GLCE: variants seen among roughly 807,000 people sequenced by gnomAD.
The protein encoded by GLCE is D-glucuronyl C5-epimerase.
A neutral mutation model predicts 47.9 loss-of-function variants in GLCE; 19 were observed. That is an observed-to-expected ratio of 0.40 (90% CI 0.28 to 0.58). The LOEUF is 0.58. GLCE is among the 20% of genes least tolerant of loss of function. The pLI is 0.48. For synonymous variants in GLCE, 245 were observed against 263.4 expected (o/e 0.93, Z 0.68); for missense variants, 556 against 743.3 (o/e 0.75, Z 2.93).
intron 2 of GLCE, among the ~76,000 whole-genome samples, chr15:69,239,205 A>G (rs962329554): frequency 2.7e-5 from 4 of 147,270 alleles, no homozygotes; most frequent in African/African-American, 9.9e-5. Context: ...AAATGTGTGA[A>G]GCTTGAGGAA....
intron 1 of GLCE, chr15:69,197,459 A>T (rs181980250): frequency 5.7e-6 from 1 of 175,656 alleles, no homozygotes; most frequent in East Asian, 1.6e-4. Flanking sequence ...GTTTGAGCCT[A>T]GTTATAATAT....
intron 1 of GLCE, among the ~76,000 whole-genome samples, chr15:69,207,931 G>A (rs1166800291): frequency 2.0e-5 from 3 of 151,842 alleles, no homozygotes; most frequent in African/African-American, 4.8e-5. Context: ...GTTTTTGTTT[G>A]TTTGTTTGTT....
intron 1 of GLCE, among the ~76,000 whole-genome samples, chr15:69,183,093 A>C (rs1006766869): frequency 6.6e-6 from 1 of 152,266 alleles, no homozygotes; most frequent in South Asian, 2.1e-4. Context: ...TGAGTATAAA[A>C]TAGGGTTGAG....
intron 1 of GLCE, among the ~76,000 whole-genome samples, chr15:69,169,795 G>A (rs957701539): frequency 5.3e-5 from 8 of 151,924 alleles, no homozygotes; most frequent in South Asian, 4.2e-4. Context: ...CCCTATCATT[G>A]ATGGACATTT....
At chr15:69,231,774 CTA>C (rs1386830854) in intron 2 of GLCE, among the ~76,000 whole-genome samples, 11 of 151,940 alleles carry the variant, frequency 7.2e-5, no homozygotes, top group Non-Finnish European at 1.3e-4. Context: ...ATTCAGATAT[CTA>C]TCTATCTTTT....
At chr15:69,260,252 G>GCTTTTTTTTTTTTTTTTT (rs57452657) in intron 3 of GLCE, among the ~76,000 whole-genome samples, 1 of 79,224 alleles carries the variant, frequency 1.3e-5, no homozygotes, top group African/African-American at 4.3e-5. Context: ...GTCACAACTG[G>GCTTTTTTTTTTTTTTTTT]TTTTTTTTTT....
chr15:69,177,025 G>A (rs1299216278), intron 1 of GLCE, among the ~76,000 whole-genome samples: 1 of 149,266 alleles, frequency 6.7e-6, no homozygotes, highest in African/African-American at 2.5e-5. Context: ...TTTCATATTT[G>A]CTTTTTTTTT....
At chr15:69,165,747 C>T (rs1307227637) in intron 1 of GLCE, among the ~76,000 whole-genome samples, 24 of 152,184 alleles carry the variant, frequency 1.6e-4, no homozygotes, top group Non-Finnish European at 1.9e-4. Flanking sequence ...CTTCCTGTTG[C>T]TTGTTTATGC....
intron 2 of GLCE, among the ~76,000 whole-genome samples, chr15:69,253,175 G>A (rs566540038): frequency 6.6e-6 from 1 of 152,274 alleles, no homozygotes; most frequent in Admixed American, 6.5e-5. Context: ...AATACAGATA[G>A]CTGGCAAGAA....
chr15:69,177,169 G>A (rs1420997003), intron 1 of GLCE, among the ~76,000 whole-genome samples: 3 of 152,084 alleles, frequency 2.0e-5, no homozygotes, highest in South Asian at 2.1e-4. Context: ...ATAGGCATGC[G>A]CCACCACACC....
At chr15:69,229,733 A>G (rs1454094006) in intron 2 of GLCE, among the ~76,000 whole-genome samples, 1 of 152,136 alleles carries the variant, frequency 6.6e-6, no homozygotes, top group African/African-American at 2.4e-5. Flanking sequence ...AATGACAAAG[A>G]TGAGACATAG....
chr15:69,190,720 G>T (rs2051899636), intron 1 of GLCE, among the ~76,000 whole-genome samples: 1 of 152,014 alleles, frequency 6.6e-6, no homozygotes, highest in African/African-American at 2.4e-5. Flanking sequence ...AATACAATCT[G>T]ACAATCTCTA....
intron 1 of GLCE, among the ~76,000 whole-genome samples, chr15:69,208,910 G>T (rs769417202): frequency 7.9e-5 from 12 of 152,008 alleles, no homozygotes; most frequent in East Asian, 1.9e-4. Flanking sequence ...AAATGTGAGG[G>T]TTCCAAATTG....
In GLCE at chr15:69,203,393, C is replaced by T. The variant is rs557888488; in HGVS notation, c.-104-6923C>T. Among the ~76,000 whole-genome samples, 73 of 152,192 alleles carry T rather than the reference C, an allele frequency of 4.8e-4. 1 individual carries two copies. The highest frequency in any genetic ancestry group is 1.7e-3 in the African/African-American group (70 of 41,548). On this transcript the variant is annotated intron_variant, in intron 1 of 4. Transcript: ENST00000261858. Reference sequence around the variant, plus strand: ...AACCTACTGAAACTTTTGACAGGTGCAGTGCATCTTTGGAAGTCAGATTTT... The same window carrying T: ...AACCTACTGAAACTTTTGACAGGTGTAGTGCATCTTTGGAAGTCAGATTTT...
intron 2 of GLCE, among the ~76,000 whole-genome samples, chr15:69,226,400 A>G (rs1414175886): frequency 6.6e-6 from 1 of 152,238 alleles, no homozygotes; most frequent in African/African-American, 2.4e-5. Context: ...TCTGGTCTGT[A>G]TAAACCCTGT....
intron 1 of GLCE, chr15:69,197,031 T>C: frequency 3.1e-6 from 1 of 323,930 alleles, no homozygotes; most frequent in South Asian, 3.0e-5. Flanking sequence ...TACAGCTTTC[T>C]GAGTTCCAGC....
intron 2 of GLCE, among the ~76,000 whole-genome samples, chr15:69,250,224 A>C (rs778058053): frequency 6.6e-6 from 1 of 152,150 alleles, no homozygotes; most frequent in African/African-American, 2.4e-5. Context: ...AGTGCAATCT[A>C]CTTCTTGAAA....
intron 2 of GLCE, among the ~76,000 whole-genome samples, chr15:69,231,735 G>C (rs1056326123): frequency 6.6e-6 from 1 of 152,096 alleles, no homozygotes; most frequent in Non-Finnish European, 1.5e-5. Context: ...ATATGCCTAT[G>C]AGCTTTTCCC....
intron 1 of GLCE, among the ~76,000 whole-genome samples, chr15:69,171,166 A>G (rs2051582362): frequency 1.3e-5 from 2 of 152,118 alleles, no homozygotes; most frequent in African/African-American, 4.8e-5. Context: ...ACTTTTATTT[A>G]CCTAATTTAA....
Sources: allele counts gnomAD v4.1 joint callset (sites outside exome capture counted in the v4.1 genomes callset), GRCh38; gene constraint gnomAD v4.1.1; transcripts MANE v1.5; gene names NCBI Gene and HGNC (gene_info 2026-07-23, HGNC 2026-07-21).